The following HECW1 variants were observed in gnomAD, a reference collection of about 807,000 sequenced individuals.
HECW1 encodes HECT, C2 and WW domain containing E3 ubiquitin protein ligase 1.
A neutral mutation model predicts 182.3 loss-of-function variants in HECW1; 61 were observed. That is an observed-to-expected ratio of 0.33 (90% CI 0.27 to 0.41). The LOEUF (loss-of-function observed/expected upper bound fraction) is 0.41. Ranked by LOEUF, HECW1 falls within the 10% of genes least tolerant of loss-of-function variation. HECW1 has a pLI of 1.00. For synonymous variants in HECW1, 859 were observed against 832.6 expected (o/e 1.03, Z -0.55); for missense variants, 1,739 against 2,108.9 (o/e 0.82, Z 3.44).
chr7:43,457,280 T>C (rs895764709), intron 13 of HECW1, among the ~76,000 whole-genome samples: 3 of 152,186 alleles, frequency 2.0e-5, no homozygotes, highest in African/African-American at 7.2e-5. Flanking sequence ...AACTGAGGCT[T>C]CCTTCAGTTG....
At position 43,466,436 on chromosome 7, in the gene HECW1, C is replaced by CT. The variant is rs1328750835; in HGVS notation, c.2792-4dup. The CT allele has an allele frequency of 1.9e-6, 3 of 1,612,020 alleles. No homozygotes were observed. The highest frequency in any genetic ancestry group is 2.5e-6 in the Non-Finnish European group (3 of 1,178,672). On this transcript the variant is annotated splice_polypyrimidine_tract_variant and intron_variant, in intron 14 of 29. Transcript: ENST00000395891. ...CAATGCATTCTGTTGCTTTGCTTCA[C>CT]TTTTTTTCAGATCTAAGGAGAGAAG...
chr7:43,446,282 T>C (rs75594380), intron 11 of HECW1, among the ~76,000 whole-genome samples: 4,862 of 152,294 alleles, frequency 0.032, 303 homozygotes, highest in African/African-American at 0.11. Flanking sequence ...TTTTAAAACG[T>C]ATTCTGTGTT....
At position 43,243,460 on chromosome 7, in the gene HECW1, C is replaced by T. The variant is rs1040244070; in HGVS notation, c.-31-415C>T. 1.3e-5 allele frequency among the ~76,000 whole-genome samples: 2 copies of T among 152,100 alleles called. No individual in the cohort carries two copies. The highest frequency in any genetic ancestry group is 6.5e-5 in the Admixed American group (1 of 15,276). On this transcript the variant is annotated intron_variant, in intron 2 of 29. Coordinates refer to ENST00000395891, the MANE Select transcript of HECW1 (RefSeq NM_015052.5). The surrounding 1 kb of genome is among the most constrained non-coding windows in gnomAD (Gnocchi z 4.0). The stretch of plus-strand genomic sequence containing the variant: ...TTTTCAGCAGTTTAACTGTAGATTC[C>T]CCTTCCTTTGTGGTTGAGGGAGCTT...
rs542630375 is a variant in HECW1 at position 43,327,114 on chromosome 7, CTG to C, written c.460+6375_460+6376del. ...GTTATTTCCAAGGAGATGTCTCAATCTGTGCTACAATAAATACTTGGGCCATA... is the reference window on the plus strand; with the variant it reads ...GTTATTTCCAAGGAGATGTCTCAATCTGCTACAATAAATACTTGGGCCATA... On this transcript the variant is annotated intron_variant, in intron 5 of 29. Coordinates refer to ENST00000395891, the MANE Select transcript of HECW1 (RefSeq NM_015052.5). Among the ~76,000 whole-genome samples the C allele has an allele frequency of 5.9e-5, 9 of 152,324 alleles. No individual in the cohort carries two copies. The East Asian group carries it at 1.5e-3, about 26-fold the overall frequency.
chr7:43,554,046 C>T (rs561603266), intron 28 of HECW1, among the ~76,000 whole-genome samples: 1 of 152,358 alleles, frequency 6.6e-6, no homozygotes, highest in East Asian at 1.9e-4. Flanking sequence ...AGTACTTAAT[C>T]CATGGGCCCA....
At chr7:43,277,348 G>C (rs900008910) in intron 3 of HECW1, among the ~76,000 whole-genome samples, 11 of 152,044 alleles carry the variant, frequency 7.2e-5, no homozygotes, top group Admixed American at 5.9e-4. Flanking sequence ...GTCCAAGCTT[G>C]TGAAACCCAC....
chr7:43,175,362 CTCT>C (rs1792124783), intron 2 of HECW1, among the ~76,000 whole-genome samples: 1 of 152,212 alleles, frequency 6.6e-6, no homozygotes, highest in African/African-American at 2.4e-5. Flanking sequence ...GAACTTACTA[CTCT>C]TCTTAAGTGA....
chr7:43,300,786 G>A (rs1024260142), intron 3 of HECW1, among the ~76,000 whole-genome samples: 1 of 152,152 alleles, frequency 6.6e-6, no homozygotes, highest in African/African-American at 2.4e-5. Flanking sequence ...TATCAGAGCT[G>A]CAGTCCAACA....
chr7:43,559,730 C>T (rs972650708), intron 29 of HECW1, among the ~76,000 whole-genome samples: 3 of 152,162 alleles, frequency 2.0e-5, no homozygotes, highest in South Asian at 2.1e-4. Flanking sequence ...GTTTGGTGCA[C>T]GGGAATGAGG....
At position 43,397,041 on chromosome 7, in the gene HECW1, T is replaced by C. The variant is rs1196234798; in HGVS notation, c.631+152T>C. The C allele has an allele frequency of 4.7e-6, 3 of 634,754 alleles. No homozygotes were observed. The African/African-American group carries it at 5.5e-5, about 12-fold the overall frequency. The allele number at this position is 634,754 out of a possible 1,614,324, so 39.3% of individuals were successfully genotyped here. ...GTAAAGCAAAAATGTTTTTTAAATC[T>C]GTTCAATTTCCCTTGACCACATAAG... On this transcript the variant is annotated intron_variant, in intron 7 of 29. Transcript: ENST00000395891.
intron 26 of HECW1, among the ~76,000 whole-genome samples, chr7:43,546,440 A>G (rs2152956355): frequency 6.6e-6 from 1 of 152,036 alleles, no homozygotes; most frequent in Non-Finnish European, 1.5e-5. Context: ...TATTGAAGTC[A>G]TCCATAGTGT....
intron 8 of HECW1, among the ~76,000 whole-genome samples, chr7:43,429,331 T>TATATAC (rs2076468234): frequency 1.1e-5 from 1 of 92,798 alleles, no homozygotes; most frequent in Non-Finnish European, 2.2e-5. Context: ...TATATATATA[T>TATATAC]ATATACATAT....
chr7:43,189,646 G>A (rs1324300287), intron 2 of HECW1, among the ~76,000 whole-genome samples: 1 of 151,774 alleles, frequency 6.6e-6, no homozygotes, highest in Non-Finnish European at 1.5e-5. Context: ...TAAATACATG[G>A]GGTTAAAAGT....
intron 2 of HECW1, among the ~76,000 whole-genome samples, chr7:43,172,075 C>T (rs372632377): frequency 1.5e-5 from 2 of 137,858 alleles, no homozygotes; most frequent in African/African-American, 5.5e-5. Context: ...GTCTGGCGTT[C>T]AAAACCAGCC....
Position 43,564,615 on chromosome 7 carries a change from A to G in HECW1, c.*2689A>G. The stretch of plus-strand genomic sequence containing the variant: ...AAATGCTGATGTCACGGTCACCTGA[A>G]AGAAGATGAAGCTTGTAATATTTTA... On this transcript the variant is annotated 3_prime_UTR_variant, in exon 30 of 30. Coordinates refer to ENST00000395891, the MANE Select transcript of HECW1 (RefSeq NM_015052.5). 1 of 182,858 alleles carries G rather than the reference A, an allele frequency of 5.5e-6. No individual in the cohort carries two copies. Among genetic ancestry groups the G allele is most frequent in the Non-Finnish European group, 1.2e-5 (1 of 85,786 alleles). The allele number at this position is 182,858 out of a possible 1,614,324, so 11.3% of individuals were successfully genotyped here. A position where few individuals can be genotyped will look rare whatever the true frequency, so the allele number is the denominator to read the frequency against.
chr7:43,449,177 T>A (rs2077156626), intron 11 of HECW1, among the ~76,000 whole-genome samples: 1 of 152,214 alleles, frequency 6.6e-6, no homozygotes, highest in African/African-American at 2.4e-5. Flanking sequence ...GCTGATGACA[T>A]AACAACTATA....
chr7:43,221,562 T>C (rs1265841560), intron 2 of HECW1, among the ~76,000 whole-genome samples: 4 of 107,474 alleles, frequency 3.7e-5, no homozygotes, highest in Non-Finnish European at 7.9e-5. Flanking sequence ...TTTTTTTTTT[T>C]TTTTTTTTTT....
At chr7:43,284,534 A>G (rs1244981642) in intron 3 of HECW1, among the ~76,000 whole-genome samples, 1 of 151,030 alleles carries the variant, frequency 6.6e-6, no homozygotes, top group Admixed American at 6.6e-5. Context: ...AGACAGAAAC[A>G]GAAGGAAGGA....
chr7:43,467,025 T>C (rs2077807885), intron 15 of HECW1, among the ~76,000 whole-genome samples: 2 of 152,258 alleles, frequency 1.3e-5, no homozygotes, highest in African/African-American at 4.8e-5. Flanking sequence ...TGATTTTACA[T>C]ATGTAGTTTT....
Sources: gnomAD v4.1 joint callset for allele counts (sites outside exome capture counted in the v4.1 genomes callset) on GRCh38, gnomAD v4.1.1 for gene constraint, Gnocchi (gnomAD v3.1) non-coding constraint, MANE v1.5 for transcripts, NCBI Gene and HGNC (gene_info 2026-07-23, HGNC 2026-07-21) for gene names.